CDK7: variants seen among roughly 807,000 people sequenced by gnomAD.
CDK7 encodes the protein cyclin-dependent kinase 7.
A neutral mutation model predicts 49.1 loss-of-function variants in CDK7; 25 were observed. That is an observed-to-expected ratio of 0.51 (90% CI 0.37 to 0.71). The LOEUF is 0.71. CDK7 is among the 30% of genes least tolerant of loss of function. CDK7 has a pLI of 0.00. For synonymous variants in CDK7, 107 were observed against 140.0 expected (o/e 0.76, Z 1.67); for missense variants, 316 against 411.7 (o/e 0.77, Z 2.01).
At chr5:69,239,239 T>G (rs750010232) in intron 2 of CDK7, among the ~76,000 whole-genome samples, 1 of 152,226 alleles carries the variant, frequency 6.6e-6, no homozygotes, top group Non-Finnish European at 1.5e-5. Flanking sequence ...CAACATCATT[T>G]GCATTGTCAG....
chr5:69,265,116 TTAGC>T (rs1751062822), intron 8 of CDK7, among the ~76,000 whole-genome samples: 1 of 151,644 alleles, frequency 6.6e-6, no homozygotes, highest in Non-Finnish European at 1.5e-5. Flanking sequence ...ACAAAAAAAA[TTAGC>T]TAGGCGTGGT....
chr5:69,267,291 CCTTTTTTTTTTTT>C (rs1751222025), intron 8 of CDK7, among the ~76,000 whole-genome samples: 1 of 115,462 alleles, frequency 8.7e-6, no homozygotes, highest in Non-Finnish European at 1.7e-5. Context: ...TATAAGGATT[CCTTTTTTTTTTTT>C]TTTTTTTTTT....
intron 2 of CDK7, among the ~76,000 whole-genome samples, chr5:69,249,740 G>A (rs1750017342): frequency 1.3e-5 from 2 of 152,118 alleles, no homozygotes; most frequent in South Asian, 4.1e-4. Flanking sequence ...CAGCTACCTG[G>A]GAGGCTAAGG....
intron 2 of CDK7, among the ~76,000 whole-genome samples, chr5:69,239,876 A>ATTT (rs34223920): frequency 7.1e-6 from 1 of 140,388 alleles, no homozygotes. Flanking sequence ...AGGATCCAGT[A>ATTT]TTTTTTTTTT....
intron 4 of CDK7, among the ~76,000 whole-genome samples, chr5:69,255,117 G>C (rs1467808425): frequency 1.3e-5 from 2 of 151,722 alleles, no homozygotes; most frequent in East Asian, 3.8e-4. Context: ...GATAGCTGCT[G>C]TTATTTAGAG....
chr5:69,270,630 A>G (rs1461741787), intron 9 of CDK7, among the ~76,000 whole-genome samples: 2 of 152,060 alleles, frequency 1.3e-5, no homozygotes, highest in South Asian at 2.1e-4. Flanking sequence ...CCTTCTACCT[A>G]CTCCTTAACT....
chr5:69,264,891 AC>A (rs1320995287), intron 8 of CDK7, among the ~76,000 whole-genome samples: 2 of 151,556 alleles, frequency 1.3e-5, no homozygotes, highest in African/African-American at 4.9e-5. Context: ...AATCGCTTGA[AC>A]CCGGGATGTG....
chr5:69,252,493 CCTTT>C (rs1750209932), intron 3 of CDK7, 42 bp downstream of exon 3: 21 of 429,908 alleles, frequency 4.9e-5, no homozygotes, highest in East Asian at 1.3e-4. Flanking sequence ...AAAGTTTTCT[CCTTT>C]TTTTTTTTTT....
At chr5:69,253,153 A>T (rs114240293) in intron 3 of CDK7, among the ~76,000 whole-genome samples, 184 of 152,320 alleles carry the variant, frequency 1.2e-3, no homozygotes, top group African/African-American at 4.4e-3. Flanking sequence ...ACATGAGGAA[A>T]TTATTTCATT....
chr5:69,261,919 C>A (rs1030816923), intron 7 of CDK7, among the ~76,000 whole-genome samples: 1 of 152,064 alleles, frequency 6.6e-6, no homozygotes, highest in Non-Finnish European at 1.5e-5. Context: ...GAGGAGGCAC[C>A]TATTAGGGGA....
intron 2 of CDK7, among the ~76,000 whole-genome samples, chr5:69,247,616 TCTTA>T (rs924600806): frequency 8.5e-5 from 13 of 152,134 alleles, no homozygotes; most frequent in Admixed American, 1.3e-4. Flanking sequence ...CCTGCCATTT[TCTTA>T]CTTGTTTTCT....
rs368929541 is a variant in CDK7, at chr5:69,235,461, A to G, written c.126+8A>G. The G allele has an allele frequency of 1.8e-4, 286 of 1,579,902 alleles. 1 individual carries two copies. In the East Asian group the frequency reaches 4.5e-3, roughly 25 times the overall value. ...ATTGTCGCCATTAAGAAAGTGAGTT[A>G]CCTTTTTATGTTGTTTTTAAGTCTC... On this transcript the variant is annotated splice_region_variant and intron_variant, in intron 2 of 11. Coordinates refer to ENST00000256443, the MANE Select transcript of CDK7 (RefSeq NM_001799.4).
intron 2 of CDK7, among the ~76,000 whole-genome samples, chr5:69,249,355 A>G (rs1749984114): frequency 6.7e-6 from 1 of 150,324 alleles, no homozygotes; most frequent in Non-Finnish European, 1.5e-5. Context: ...AGCCTGGGAG[A>G]CATGGTGAAA....
intron 9 of CDK7, among the ~76,000 whole-genome samples, chr5:69,270,789 C>A (rs1219403462): frequency 6.6e-6 from 1 of 152,118 alleles, no homozygotes; most frequent in African/African-American, 2.4e-5. Context: ...CAGGTCATTG[C>A]ATGTTAATAA....
At chr5:69,244,980 C>T (rs982146633) in intron 2 of CDK7, among the ~76,000 whole-genome samples, 9 of 152,076 alleles carry the variant, frequency 5.9e-5, no homozygotes, top group South Asian at 2.1e-4. Flanking sequence ...TTACATATCA[C>T]GTTGATTGAT....
intron 3 of CDK7, 83 bp downstream of exon 3, chr5:69,252,534 G>C (rs1169806455): frequency 5.2e-6 from 4 of 775,128 alleles, no homozygotes; most frequent in Non-Finnish European, 5.9e-6. Context: ...TAAAAAGACA[G>C]GGTCTTGCTC....
intron 8 of CDK7, among the ~76,000 whole-genome samples, chr5:69,262,963 G>T (rs1417760529): frequency 6.6e-6 from 1 of 152,022 alleles, no homozygotes; most frequent in African/African-American, 2.4e-5. Context: ...TTTTAAGTGC[G>T]CTTTAGGAAA....
intron 2 of CDK7, among the ~76,000 whole-genome samples, chr5:69,245,082 G>A (rs942581761): frequency 2.4e-4 from 37 of 152,234 alleles, no homozygotes; most frequent in South Asian, 8.3e-4. Flanking sequence ...CAGTTTGCTA[G>A]TATTTTTTGA....
intron 8 of CDK7, 39 bp from the exon 9 acceptor site, chr5:69,269,168 A>C (rs1206455814): frequency 1.7e-5 from 23 of 1,355,018 alleles, no homozygotes; most frequent in Non-Finnish European, 2.4e-5. Flanking sequence ...TAAAAAAAAA[A>C]AACCCACCTT....
Sources: gnomAD v4.1 joint callset for allele counts (sites outside exome capture counted in the v4.1 genomes callset) on GRCh38, gnomAD v4.1.1 for gene constraint, MANE v1.5 for transcripts, NCBI Gene and HGNC (gene_info 2026-07-23, HGNC 2026-07-21) for gene names.